ANKRD20A1: variants seen among roughly 807,000 people sequenced by gnomAD.
The protein encoded by ANKRD20A1 is ankyrin repeat domain 20 family member A1, also known as ankyrin repeat domain-containing protein 20A1.
Under a neutral mutation model 50.9 loss-of-function variants are expected in ANKRD20A1, and 2 were observed. The ratio of observed to expected loss-of-function variants is 0.04; its 90% CI spans 0.02 to 0.12. ANKRD20A1 has a LOEUF of 0.12. Ranked by LOEUF, ANKRD20A1 falls within the 10% of genes least tolerant of loss-of-function variation. The probability of loss-of-function intolerance (pLI) is 1.00; values close to 1 mark genes in which losing one functional copy is unlikely to be tolerated. For missense variants in ANKRD20A1, 31 were observed against 548.1 expected (o/e 0.06, Z 9.42); for synonymous variants, 10 against 186.2 (o/e 0.05, Z 7.70).
chr9:67,872,449 G>A (rs1239680899), intron 6 of ANKRD20A1, among the ~76,000 whole-genome samples: 1 of 111,792 alleles, frequency 8.9e-6, no homozygotes, highest in Non-Finnish European at 2.0e-5. Flanking sequence ...GAGAGCGGTG[G>A]ATAGCGCATC....
chr9:67,882,540 C>G (rs1306384248), intron 8 of ANKRD20A1, among the ~76,000 whole-genome samples: 2 of 150,156 alleles, frequency 1.3e-5, no homozygotes, highest in African/African-American at 4.9e-5. Context: ...TATCATTCAA[C>G]TGGAATCTTA....
chr9:67,868,093 C>CG (rs1193880638), intron 4 of ANKRD20A1, among the ~76,000 whole-genome samples: 2 of 118,492 alleles, frequency 1.7e-5, no homozygotes, highest in East Asian at 6.5e-4. Flanking sequence ...AGGAAAGCAA[C>CG]GGGGAAATCT....
At chr9:67,882,939 A>G (rs1399567300) in intron 8 of ANKRD20A1, among the ~76,000 whole-genome samples, 3 of 151,214 alleles carry the variant, frequency 2.0e-5, no homozygotes, top group African/African-American at 4.8e-5. Context: ...TTCCAGCTTC[A>G]TCCATGTCCC....
chr9:67,894,454 C>T (rs1487668289), intron 12 of ANKRD20A1, among the ~76,000 whole-genome samples: 3 of 140,488 alleles, frequency 2.1e-5, no homozygotes. Context: ...TACCTATCAG[C>T]TTTGAATTCA....
rs1477117646 is a variant in ANKRD20A1 at position 67,889,382 on chromosome 9, G to T, written c.1081+1914G>T. ...CAGTTTAATGAAAGCAGTTTTTAATGTATATTCGTTAAAAATTTTTTTGAA... is the reference window on the plus strand; with the variant it reads ...CAGTTTAATGAAAGCAGTTTTTAATTTATATTCGTTAAAAATTTTTTTGAA... On this transcript the variant is annotated intron_variant, in intron 11 of 14. Transcript: ENST00000562196. Among the ~76,000 whole-genome samples the T allele has an allele frequency of 4.6e-5, 4 of 86,624 alleles. 2 individuals carry two copies. The highest frequency in any genetic ancestry group is 9.9e-5 in the Non-Finnish European group (4 of 40,540). 56.8% of individuals were successfully genotyped at this position (86,624 alleles called of 152,430 possible).
intron 11 of ANKRD20A1, among the ~76,000 whole-genome samples, chr9:67,891,318 A>G (rs1391382757): frequency 2.2e-5 from 3 of 137,262 alleles, no homozygotes; most frequent in East Asian, 2.5e-4. Flanking sequence ...AACAACAACA[A>G]CAGCAACAGC....
chr9:67,865,418 G>A (rs1827546258), intron 3 of ANKRD20A1, among the ~76,000 whole-genome samples: 1 of 107,084 alleles, frequency 9.3e-6, no homozygotes, highest in Non-Finnish European at 1.9e-5. Context: ...TATTATATAT[G>A]AGAGCCTGAA....
intron 3 of ANKRD20A1, among the ~76,000 whole-genome samples, chr9:67,865,987 A>G (rs1827561021): frequency 6.6e-6 from 1 of 150,766 alleles, no homozygotes; most frequent in Non-Finnish European, 1.5e-5. Flanking sequence ...TTCTCTGCCC[A>G]TAAGAATGCC....
chr9:67,877,567 T>A (rs1225144487), intron 6 of ANKRD20A1, among the ~76,000 whole-genome samples, 193 bp from the exon 7 acceptor site: 1 of 151,096 alleles, frequency 6.6e-6, no homozygotes. Flanking sequence ...GTGTGCACAA[T>A]TTTTTTATGA....
chr9:67,900,402 G>C (rs1264185240), intron 14 of ANKRD20A1, 91 bp from the exon 15 acceptor site: 1 of 436,656 alleles, frequency 2.3e-6, no homozygotes, highest in Non-Finnish European at 3.5e-6. Context: ...AAACTTTTTA[G>C]TGGTACGGAT....
chr9:67,860,423 A>ATG lies in ANKRD20A1; in HGVS notation c.203+795_203+796insGT, dbSNP rs1827493550. On this transcript the variant is annotated intron_variant, in intron 1 of 14. Coordinates refer to ENST00000562196, the MANE Select transcript of ANKRD20A1 (RefSeq NM_032250.5). The stretch of plus-strand genomic sequence containing the variant: ...CATATATAACACATATGTTATATAT[A>ATG]TCAGTTATATATACACATTAGATGA... 2 of 47,740 alleles carry ATG rather than the reference A, an allele frequency of 4.2e-5. 1 individual carries two copies. Among genetic ancestry groups the ATG allele is most frequent in the Non-Finnish European group, 8.3e-5 (2 of 24,016 alleles). The allele number at this position is 47,740 out of a possible 1,614,324, so 3.0% of individuals were successfully genotyped here.
chr9:67,866,042 TG>T (rs1827564292), intron 3 of ANKRD20A1, among the ~76,000 whole-genome samples: 1 of 150,940 alleles, frequency 6.6e-6, no homozygotes, highest in South Asian at 2.1e-4. Context: ...GGATAATTTA[TG>T]AATATTGCAG....
chr9:67,896,292 G>A lies in ANKRD20A1; in HGVS notation c.1153-1267G>A, dbSNP rs1332450660. Among the ~76,000 whole-genome samples the A allele has an allele frequency of 2.7e-5, 2 of 74,350 alleles. 1 individual carries two copies. The highest frequency in any genetic ancestry group is 5.8e-5 in the Non-Finnish European group (2 of 34,216). 48.8% of individuals were successfully genotyped at this position (74,350 alleles called of 152,430 possible). On this transcript the variant is annotated intron_variant, in intron 12 of 14. Coordinates refer to ENST00000562196, the MANE Select transcript of ANKRD20A1 (RefSeq NM_032250.5). ...CCAGCCAAATGAGTCTGTTTAATGT[G>A]TTTTCATGCATGCAAGTTTATCTGC...
At chr9:67,890,238 ATAAC>A (rs1827923050) in intron 11 of ANKRD20A1, among the ~76,000 whole-genome samples, 1 of 110,356 alleles carries the variant, frequency 9.1e-6, no homozygotes, top group Non-Finnish European at 1.9e-5. Flanking sequence ...CAACATATAA[ATAAC>A]AAAGAGAATG....
At chr9:67,882,059 A>G (rs1311292593) in intron 8 of ANKRD20A1, among the ~76,000 whole-genome samples, 1 of 144,210 alleles carries the variant, frequency 6.9e-6, no homozygotes, top group Admixed American at 7.4e-5. Flanking sequence ...GGCTCACTCC[A>G]ATCTCCATTT....
intron 8 of ANKRD20A1, among the ~76,000 whole-genome samples, chr9:67,881,156 G>C (rs1248141039): frequency 2.7e-5 from 4 of 150,416 alleles, no homozygotes; most frequent in Admixed American, 2.0e-4. Context: ...GTGTACACCT[G>C]TAGTCCCTGC....
intron 8 of ANKRD20A1, among the ~76,000 whole-genome samples, chr9:67,883,111 C>T (rs1298732790): frequency 6.6e-6 from 1 of 151,478 alleles, no homozygotes; most frequent in African/African-American, 2.4e-5. Context: ...GTGCATGTGT[C>T]TTTATAGCAG....
At chr9:67,884,338 A>T in intron 8 of ANKRD20A1, 148 bp from the exon 9 acceptor site, 6 of 803,738 alleles carry the variant, frequency 7.5e-6, no homozygotes, top group Non-Finnish European at 1.1e-5. Flanking sequence ...CAGGAGTTTG[A>T]GACAACAGTG....
intron 6 of ANKRD20A1, among the ~76,000 whole-genome samples, chr9:67,873,035 A>G (rs1333332411): frequency 7.2e-5 from 8 of 110,988 alleles, no homozygotes; most frequent in African/African-American, 2.0e-4. Context: ...ACACTTGGCT[A>G]ATTTTCTTTT....
Sources: allele counts gnomAD v4.1 joint callset (sites outside exome capture counted in the v4.1 genomes callset), GRCh38; gene constraint gnomAD v4.1.1; transcripts MANE v1.5; gene names NCBI Gene and HGNC (gene_info 2026-07-23, HGNC 2026-07-21).